TRDN: variants seen among roughly 807,000 people sequenced by gnomAD.
TRDN encodes triadin, also known as triadin in skeletal muscle.
A neutral mutation model predicts 149.7 loss-of-function variants in TRDN; 161 were observed. The ratio of observed to expected loss-of-function variants is 1.08; its 90% CI spans 0.95 to 1.23. The LOEUF (loss-of-function observed/expected upper bound fraction) is 1.23. Among genes scored for constraint, TRDN ranks in the 50% most tolerant of loss-of-function variants. TRDN has a pLI of 0.00. For synonymous variants in TRDN, 294 were observed against 250.5 expected (o/e 1.17, Z -1.64); for missense variants, 896 against 823.5 (o/e 1.09, Z -1.08).
chr6:123,440,280 A>G (rs529701580), intron 10 of TRDN, among the ~76,000 whole-genome samples: 2 of 152,292 alleles, frequency 1.3e-5, no homozygotes, highest in East Asian at 1.9e-4. Context: ...TCTACAGCAT[A>G]CTATTACAGC....
intron 35 of TRDN, among the ~76,000 whole-genome samples, chr6:123,258,413 T>C (rs1776638959): frequency 1.3e-5 from 2 of 152,158 alleles, no homozygotes; most frequent in African/African-American, 4.8e-5. Context: ...TTGTCATTGG[T>C]TCTGTTTATG....
At chr6:123,440,807 A>C (rs931426010) in intron 10 of TRDN, 2 of 152,174 alleles carry the variant, frequency 1.3e-5, no homozygotes, top group South Asian at 2.1e-4. Flanking sequence ...TTTATTTTTC[A>C]ATTTTCTTTT....
chr6:123,366,428 A>G (rs904157099), intron 19 of TRDN, among the ~76,000 whole-genome samples: 4 of 152,240 alleles, frequency 2.6e-5, no homozygotes, highest in African/African-American at 9.6e-5. Flanking sequence ...GGTAGTGACC[A>G]TAAAAGAAGG....
chr6:123,320,768 C>T (rs1039821586), intron 23 of TRDN, among the ~76,000 whole-genome samples: 2 of 151,932 alleles, frequency 1.3e-5, no homozygotes, highest in African/African-American at 4.8e-5. Flanking sequence ...ATTATCTACA[C>T]AAACTACTAA....
chr6:123,622,430 T>A (rs1785446638), intron 1 of TRDN, among the ~76,000 whole-genome samples: 2 of 152,064 alleles, frequency 1.3e-5, no homozygotes, highest in South Asian at 4.1e-4. Context: ...CAGTAGGCTA[T>A]TAATAAAGTT....
intron 1 of TRDN, among the ~76,000 whole-genome samples, chr6:123,601,893 T>C (rs1194633584): frequency 2.0e-5 from 3 of 152,140 alleles, no homozygotes; most frequent in Non-Finnish European, 4.4e-5. Context: ...AGTCTCATTC[T>C]CACTTTAGAA....
At chr6:123,318,170 A>C (rs905186089) in intron 23 of TRDN, among the ~76,000 whole-genome samples, 2 of 151,916 alleles carry the variant, frequency 1.3e-5, no homozygotes, top group Non-Finnish European at 2.9e-5. Flanking sequence ...TTTTGGCTTC[A>C]CTGGAAAGGA....
intron 10 of TRDN, among the ~76,000 whole-genome samples, chr6:123,458,835 T>C (rs1776279495): frequency 6.6e-6 from 1 of 151,870 alleles, no homozygotes; most frequent in Non-Finnish European, 1.5e-5. Context: ...TGATGAGTAT[T>C]ATCAGAAATA....
At chr6:123,577,491 G>A (rs375377387) in intron 1 of TRDN, among the ~76,000 whole-genome samples, 2 of 152,240 alleles carry the variant, frequency 1.3e-5, no homozygotes, top group East Asian at 1.9e-4. Context: ...TTCTTTTTAT[G>A]GCTGCATAGT....
chr6:123,617,567 G>C (rs1177934432), intron 1 of TRDN, among the ~76,000 whole-genome samples: 2 of 152,098 alleles, frequency 1.3e-5, no homozygotes, highest in Non-Finnish European at 2.9e-5. Flanking sequence ...TGGCTTGAAA[G>C]TCATTGCTAC....
At chr6:123,259,124 G>A (rs898814475) in intron 35 of TRDN, among the ~76,000 whole-genome samples, 1 of 151,478 alleles carries the variant, frequency 6.6e-6, no homozygotes, top group Non-Finnish European at 1.5e-5. Context: ...GGGTTTTTTT[G>A]TGTCTCTCAC....
At chr6:123,568,547 T>A (rs761195514) in intron 2 of TRDN, among the ~76,000 whole-genome samples, 33 of 152,248 alleles carry the variant, frequency 2.2e-4, no homozygotes, top group Non-Finnish European at 3.7e-4. Flanking sequence ...GAAATCTAGG[T>A]GGAGGCTGCC....
intron 24 of TRDN, among the ~76,000 whole-genome samples, chr6:123,280,606 G>C (rs1158668807): frequency 1.3e-5 from 2 of 149,782 alleles, no homozygotes; most frequent in African/African-American, 4.9e-5. Flanking sequence ...TCATCATCAG[G>C]GTTTAGTCCC....
chr6:123,368,950 T>C (rs79250086), intron 19 of TRDN, among the ~76,000 whole-genome samples: 2 of 152,208 alleles, frequency 1.3e-5, no homozygotes, highest in African/African-American at 4.8e-5. Context: ...TATAGTCATC[T>C]GCTGTATTAA....
chr6:123,368,248 T>G (rs1487239506), intron 19 of TRDN, among the ~76,000 whole-genome samples: 1 of 152,164 alleles, frequency 6.6e-6, no homozygotes, highest in African/African-American at 2.4e-5. Context: ...AAACCCCAGT[T>G]CTTTTGAAGT....
intron 23 of TRDN, 84 bp from the exon 24 acceptor site, chr6:123,316,579 ATAGG>A: frequency 2.6e-6 from 3 of 1,156,938 alleles, no homozygotes; most frequent in East Asian, 2.4e-5. Context: ...AAGTGGATTA[ATAGG>A]TAGGCTTCAC....
intron 2 of TRDN, among the ~76,000 whole-genome samples, chr6:123,557,162 T>C (rs1218063712): frequency 6.6e-6 from 1 of 151,830 alleles, no homozygotes; most frequent in African/African-American, 2.4e-5. Flanking sequence ...CTGACTCTCT[T>C]TTCAGACTCA....
In TRDN at chr6:123,279,072, G is replaced by A. The variant is rs746727282; in HGVS notation, c.1521C>T (p.Val507=). The A allele has an allele frequency of 1.9e-6, 3 of 1,607,950 alleles. No individual in the cohort carries two copies. The highest frequency in any genetic ancestry group is 2.2e-5 in the South Asian group (2 of 90,016). ...DEKMSKAGKE[V]KPKPPQLQGK... is the part of the protein sequence containing the mutation. ...ATAACATACGTGGAGGTTTAGGCTT[G>A]ACTTCTTTGCCTAGAAAAAAGTAAA... Residue 507 remains valine (V), a synonymous_variant, in exon 25 of 41, where the codon GTC becomes GTT. Coordinates refer to ENST00000334268, the MANE Select transcript of TRDN (RefSeq NM_006073.4).
intron 21 of TRDN, chr6:123,350,701 T>C: frequency 1.2e-6 from 1 of 823,978 alleles, no homozygotes; most frequent in Non-Finnish European, 1.5e-6. Flanking sequence ...CCAAATATAT[T>C]ATTTCCTATG....
Sources: allele counts gnomAD v4.1 joint callset (sites outside exome capture counted in the v4.1 genomes callset), GRCh38; gene constraint gnomAD v4.1.1; transcripts MANE v1.5; gene names NCBI Gene and HGNC (gene_info 2026-07-23, HGNC 2026-07-21).